The following LCOR variants were observed in gnomAD, a reference collection of about 807,000 sequenced individuals.
LCOR encodes ligand dependent nuclear receptor corepressor, also known as ligand-dependent corepressor.
A neutral mutation model predicts 64.4 loss-of-function variants in LCOR; 14 were observed. The ratio of observed to expected loss-of-function variants is 0.22; its 90% CI spans 0.14 to 0.34. The LOEUF (loss-of-function observed/expected upper bound fraction) is 0.34. Among genes scored for constraint, LCOR ranks in the 10% least tolerant of loss-of-function variants. LCOR has a pLI of 1.00. For missense variants in LCOR, 1,686 were observed against 1,765.3 expected (o/e 0.96, Z 0.80); for synonymous variants, 643 against 642.5 (o/e 1.00, Z -0.01).
At chr10:96,833,680 C>G (rs1019415273) in intron 2 of LCOR, among the ~76,000 whole-genome samples, 9 of 152,220 alleles carry the variant, frequency 5.9e-5, no homozygotes, top group African/African-American at 1.9e-4. Context: ...AGCCCCTTCT[C>G]CCCCAGGGGA....
In LCOR at chr10:96,843,292, T is replaced by TTTTTG. The variant is rs1314280476; in HGVS notation, c.-330+9828_-330+9832dup. ...AGCATGTTTCATCATGCCTGGCTAG[T>TTTTTG]TTTTGTTTTGTTTTGTTTTTGGTAG... On this transcript the variant is annotated intron_variant, in intron 2 of 7. Coordinates refer to ENST00000421806, the MANE Select transcript of LCOR (RefSeq NM_001346516.2). 5.9e-5 allele frequency among the ~76,000 whole-genome samples: 9 copies of TTTTTG among 151,868 alleles called. 1 individual carries two copies. The highest frequency in any genetic ancestry group is 1.3e-4 in the Non-Finnish European group (9 of 67,948).
intron 2 of LCOR, among the ~76,000 whole-genome samples, chr10:96,839,186 C>T (rs1027886380): frequency 6.6e-6 from 1 of 152,110 alleles, no homozygotes; most frequent in Non-Finnish European, 1.5e-5. Flanking sequence ...TTATTCAGAT[C>T]CCTTGCCCAT....
chr10:96,901,736 TCTTC>T (rs1361138012), intron 2 of LCOR, among the ~76,000 whole-genome samples: 2 of 152,178 alleles, frequency 1.3e-5, no homozygotes, highest in African/African-American at 4.8e-5. Context: ...TTAGGCCATT[TCTTC>T]CTTCCTTCCT....
intron 4 of LCOR, among the ~76,000 whole-genome samples, chr10:96,920,902 ATCC>A (rs1307321675): frequency 6.6e-6 from 1 of 151,678 alleles, no homozygotes; most frequent in Non-Finnish European, 1.5e-5. Context: ...GGCACATGTA[ATCC>A]TCCTGCCTCA....
intron 2 of LCOR, among the ~76,000 whole-genome samples, chr10:96,896,693 G>A (rs1478976878): frequency 1.3e-5 from 2 of 152,046 alleles, no homozygotes; most frequent in Non-Finnish European, 1.5e-5. Flanking sequence ...CAAAGTGCTG[G>A]GATTACAGAC....
intron 7 of LCOR, among the ~76,000 whole-genome samples, chr10:96,966,180 T>C (rs1469522521): frequency 6.8e-6 from 1 of 146,118 alleles, no homozygotes; most frequent in South Asian, 2.2e-4. Flanking sequence ...TTTTTTTTTT[T>C]GCCATATCCT....
intron 2 of LCOR, among the ~76,000 whole-genome samples, chr10:96,906,785 C>T (rs1846736813): frequency 6.6e-6 from 1 of 152,052 alleles, no homozygotes; most frequent in African/African-American, 2.4e-5. Flanking sequence ...AAGTCTTGCA[C>T]CTTGTGTTTG....
At chr10:96,927,587 G>C (rs969233720) in intron 4 of LCOR, among the ~76,000 whole-genome samples, 1 of 151,904 alleles carries the variant, frequency 6.6e-6, no homozygotes, top group East Asian at 1.9e-4. Flanking sequence ...TAAAAGTTTA[G>C]TAGTAACTGT....
chr10:96,942,622 A>G (rs1847513450), intron 4 of LCOR, among the ~76,000 whole-genome samples: 1 of 152,198 alleles, frequency 6.6e-6, no homozygotes, highest in African/African-American at 2.4e-5. Flanking sequence ...TAAGCTTTTT[A>G]CAATATATAA....
At chr10:96,941,387 G>C (rs1159042953) in intron 4 of LCOR, among the ~76,000 whole-genome samples, 2 of 144,650 alleles carry the variant, frequency 1.4e-5, no homozygotes, top group African/African-American at 2.6e-5. Context: ...TCACCTCCCG[G>C]ACTGGGCGGC....
chr10:96,855,771 T>G (rs1845792943), intron 2 of LCOR, among the ~76,000 whole-genome samples: 1 of 146,972 alleles, frequency 6.8e-6, no homozygotes, highest in African/African-American at 2.5e-5. Context: ...AGACGGAGTC[T>G]CACTCCATTG....
chr10:96,890,274 G>C (rs1846418129), intron 2 of LCOR, among the ~76,000 whole-genome samples: 1 of 151,988 alleles, frequency 6.6e-6, no homozygotes, highest in Admixed American at 6.6e-5. Context: ...TGTAGAGAAG[G>C]GGTCTGGCTG....
At chr10:96,879,823 C>T (rs1256716423) in intron 2 of LCOR, among the ~76,000 whole-genome samples, 1 of 152,136 alleles carries the variant, frequency 6.6e-6, no homozygotes, top group African/African-American at 2.4e-5. Flanking sequence ...CCACCATGCC[C>T]AGCTAATCTT....
chr10:96,905,810 A>C lies in LCOR; in HGVS notation c.-329-1455A>C, dbSNP rs181712383. Among the ~76,000 whole-genome samples the C allele has an allele frequency of 6.7e-3, 1,013 of 152,314 alleles. 10 individuals carry two copies. The highest frequency in any genetic ancestry group is 0.011 in the Non-Finnish European group (731 of 68,008). On this transcript the variant is annotated intron_variant, in intron 2 of 7. Coordinates refer to ENST00000421806, the MANE Select transcript of LCOR (RefSeq NM_001346516.2). ...AACAATTGCTCCCTAACAATAAATA[A>C]AAAATCTGGAATCTAGGATATATCA...
At chr10:96,923,399 G>A (rs528942044) in intron 4 of LCOR, among the ~76,000 whole-genome samples, 1 of 152,126 alleles carries the variant, frequency 6.6e-6, no homozygotes, top group Non-Finnish European at 1.5e-5. Context: ...GTTTAGACAG[G>A]GGTGGCATTA....
intron 4 of LCOR, among the ~76,000 whole-genome samples, chr10:96,942,203 GC>G (rs1460279925): frequency 1.3e-5 from 2 of 150,954 alleles, no homozygotes; most frequent in African/African-American, 2.4e-5. Context: ...ACCTCGGGAG[GC>G]CGAGGCTGGC....
At chr10:96,875,448 G>T (rs1228601010) in intron 2 of LCOR, among the ~76,000 whole-genome samples, 2 of 152,068 alleles carry the variant, frequency 1.3e-5, no homozygotes, top group African/African-American at 4.8e-5. Context: ...CTCATCCTGT[G>T]TTGCCCCTTT....
At chr10:96,885,462 C>T (rs1418148815) in intron 2 of LCOR, among the ~76,000 whole-genome samples, 3 of 151,628 alleles carry the variant, frequency 2.0e-5, no homozygotes, top group African/African-American at 7.3e-5. Context: ...GCTCACTGTT[C>T]CCTTGACCTC....
chr10:96,842,897 C>G (rs779008721), intron 2 of LCOR, among the ~76,000 whole-genome samples: 1 of 152,126 alleles, frequency 6.6e-6, no homozygotes, highest in Non-Finnish European at 1.5e-5. Flanking sequence ...CCCCAAATTG[C>G]TGGGATTACA....
Sources: gnomAD v4.1 joint callset for allele counts (sites outside exome capture counted in the v4.1 genomes callset) on GRCh38, gnomAD v4.1.1 for gene constraint, MANE v1.5 for transcripts, NCBI Gene and HGNC (gene_info 2026-07-23, HGNC 2026-07-21) for gene names.